LMBR1: variants seen among roughly 807,000 people sequenced by gnomAD.
LMBR1 encodes limb region 1 protein homolog.
In LMBR1, 52 loss-of-function variants were observed where a neutral mutation model predicts 73.9. That is an observed-to-expected ratio of 0.70 (90% CI 0.56 to 0.89). LMBR1 has a LOEUF of 0.89. LMBR1 is among the 40% of genes least tolerant of loss of function. The pLI is 0.00. For missense variants in LMBR1, 539 were observed against 579.8 expected (o/e 0.93, Z 0.72); for synonymous variants, 215 against 209.4 (o/e 1.03, Z -0.23).
chr7:156,872,484 C>T (rs1334043918), intron 1 of LMBR1, among the ~76,000 whole-genome samples: 1 of 151,896 alleles, frequency 6.6e-6, no homozygotes, highest in Non-Finnish European at 1.5e-5. Context: ...CCCATCTCTA[C>T]TAAAAATAAA....
rs1331225134 is a variant in LMBR1, at chr7:156,680,399, A to AGTGTGTGTGTGTGTGTGTGTGTGTGT, written c.*3678_*3679insACACACACACACACACACACACACAC. On this transcript the variant is annotated 3_prime_UTR_variant, in exon 17 of 17. Transcript: ENST00000353442. ...GACAGAGAGAGAGAGAGAGAGAGAG[A>AGTGTGTGTGTGTGTGTGTGTGTGTGT]GAGAGTGTGTGTGTGTGTGTGTGTG... 1.2e-4 allele frequency: 17 copies of AGTGTGTGTGTGTGTGTGTGTGTGTGT among 136,652 alleles called. No homozygotes were observed. Among genetic ancestry groups the AGTGTGTGTGTGTGTGTGTGTGTGTGT allele is most frequent in the African/African-American group, 4.4e-4 (15 of 34,024 alleles). 8.5% of individuals were successfully genotyped at this position (136,652 alleles called of 1,614,324 possible).
chr7:156,797,927 T>A (rs117226530), intron 4 of LMBR1, among the ~76,000 whole-genome samples: 4,842 of 152,112 alleles, frequency 0.032, 124 homozygotes, highest in South Asian at 0.085. Flanking sequence ...TTAAAATTTT[T>A]AAAAATTTTA....
chr7:156,757,808 T>C lies in LMBR1; in HGVS notation c.685-1343A>G, dbSNP rs144210807. On this transcript the variant is annotated intron_variant, in intron 8 of 16. Coordinates refer to ENST00000353442, the MANE Select transcript of LMBR1 (RefSeq NM_022458.4). The stretch of plus-strand genomic sequence containing the variant: ...TTATACAGCTGATGTGAAATTTATT[T>C]GAAGCAATCCAATAATTCCCAGCCT... 6.2e-3 allele frequency among the ~76,000 whole-genome samples: 944 copies of C among 152,366 alleles called. 9 individuals carry two copies. The highest frequency in any genetic ancestry group is 0.021 in the African/African-American group (882 of 41,576).
intron 15 of LMBR1, among the ~76,000 whole-genome samples, chr7:156,698,455 T>C (rs191674732): frequency 2.7e-3 from 415 of 152,360 alleles, no homozygotes; most frequent in African/African-American, 9.4e-3. Flanking sequence ...GCCCTGCCTT[T>C]GCAGCAAACT....
intron 5 of LMBR1, among the ~76,000 whole-genome samples, chr7:156,785,782 T>G (rs1242947674): frequency 2.6e-5 from 4 of 152,144 alleles, no homozygotes; most frequent in Admixed American, 2.6e-4. Context: ...GAACTACTAC[T>G]ATGTTCCAGA....
At chr7:156,771,103 C>A (rs1825092968) in intron 5 of LMBR1, among the ~76,000 whole-genome samples, 1 of 149,296 alleles carries the variant, frequency 6.7e-6, no homozygotes, top group East Asian at 2.1e-4. Context: ...GTAATCAAGA[C>A]ATAAGATTTT....
chr7:156,862,755 A>G (rs1240526725), intron 1 of LMBR1, among the ~76,000 whole-genome samples: 1 of 152,246 alleles, frequency 6.6e-6, no homozygotes, highest in African/African-American at 2.4e-5. Context: ...GCCTCATCCA[A>G]TCAGTGGAAG....
downstream of LMBR1, among the ~76,000 whole-genome samples, chr7:156,674,287 G>A (rs899589731): frequency 6.6e-6 from 1 of 152,188 alleles, no homozygotes; most frequent in African/African-American, 2.4e-5. Flanking sequence ...ACCCAGAAGA[G>A]ACATGAGCCA....
At position 156,718,783 on chromosome 7, in the gene LMBR1, T is replaced by G. The variant is rs576382007; in HGVS notation, c.1225+5329A>C. On this transcript the variant is annotated intron_variant, in intron 15 of 16. Coordinates refer to ENST00000353442, the MANE Select transcript of LMBR1 (RefSeq NM_022458.4). ...ATACTCAGATAGCTAGAGGTCTTTA[T>G]TCTTAGGACAAATTAGACCCTTACG... Among the ~76,000 whole-genome samples, 26 of 152,124 alleles carry G rather than the reference T, an allele frequency of 1.7e-4. No homozygotes were observed. In the South Asian group the frequency reaches 5.4e-3, roughly 32 times the overall value.
intron 15 of LMBR1, among the ~76,000 whole-genome samples, chr7:156,707,855 G>A (rs2132140725): frequency 6.6e-6 from 1 of 152,202 alleles, no homozygotes; most frequent in South Asian, 2.1e-4. Context: ...GCAAGAGAAA[G>A]AAACAAAAGG....
At chr7:156,878,389 C>G (rs572093617) in intron 1 of LMBR1, among the ~76,000 whole-genome samples, 2 of 152,248 alleles carry the variant, frequency 1.3e-5, no homozygotes, top group East Asian at 3.9e-4. Context: ...AAATCAGTAG[C>G]TCTCCTATAC....
chr7:156,821,658 A>G (rs575039170), intron 4 of LMBR1, among the ~76,000 whole-genome samples: 2 of 152,358 alleles, frequency 1.3e-5, no homozygotes, highest in African/African-American at 4.8e-5. Context: ...AATGGGAAAA[A>G]AATGTGAAAG....
At chr7:156,689,084 A>C (rs995761672) in intron 15 of LMBR1, among the ~76,000 whole-genome samples, 1 of 152,190 alleles carries the variant, frequency 6.6e-6, no homozygotes, top group Non-Finnish European at 1.5e-5. Context: ...TTTTTACTTA[A>C]AAATAGTTTA....
rs1349386616 is a variant in LMBR1, at chr7:156,669,514, G to C, written n.867-227C>G. On this transcript the variant is annotated intron_variant and non_coding_transcript_variant, in intron 4 of 4. Coordinates refer to the LMBR1 transcript ENST00000430825. This position sits in a 1 kb window ranked among gnomAD's most constrained non-coding sequence, Gnocchi z 4.2. Reference sequence around the variant, plus strand: ...GCAGCACGGCTTAGCATGTGGGAGGGGCAGGCTGGCAGAGTGTGAGCCGCT... The same window carrying C: ...GCAGCACGGCTTAGCATGTGGGAGGCGCAGGCTGGCAGAGTGTGAGCCGCT... Among the ~76,000 whole-genome samples the C allele has an allele frequency of 6.6e-6, 1 of 152,162 alleles. No individual in the cohort carries two copies. The highest frequency in any genetic ancestry group is 1.5e-5 in the Non-Finnish European group (1 of 68,032).
At chr7:156,797,166 GAA>G (rs1447027541) in intron 4 of LMBR1, among the ~76,000 whole-genome samples, 6 of 152,246 alleles carry the variant, frequency 3.9e-5, no homozygotes, top group Admixed American at 2.0e-4. Context: ...AAGTGGGAAA[GAA>G]AAAGTCACAG....
At chr7:156,826,275 C>T (rs1563463302) in intron 4 of LMBR1, among the ~76,000 whole-genome samples, 1 of 152,122 alleles carries the variant, frequency 6.6e-6, no homozygotes. Context: ...CCACCACGCC[C>T]GGCCAGTTTT....
chr7:156,827,585 A>C (rs1033959955), intron 3 of LMBR1, among the ~76,000 whole-genome samples: 8 of 152,146 alleles, frequency 5.3e-5, no homozygotes, highest in African/African-American at 1.9e-4. Flanking sequence ...ACTTTTTAAA[A>C]GATTTTAAAA....
intron 1 of LMBR1, among the ~76,000 whole-genome samples, chr7:156,877,372 G>C (rs1800335432): frequency 6.6e-6 from 1 of 151,740 alleles, no homozygotes; most frequent in African/African-American, 2.4e-5. Flanking sequence ...ACAAGATAAA[G>C]AGAAAATCCT....
At chr7:156,740,894 G>T (rs923566709) in intron 9 of LMBR1, among the ~76,000 whole-genome samples, 1 of 152,092 alleles carries the variant, frequency 6.6e-6, no homozygotes, top group African/African-American at 2.4e-5. Context: ...TACTCTTATC[G>T]TAAGTAGAAA....
Sources: allele counts gnomAD v4.1 joint callset (sites outside exome capture counted in the v4.1 genomes callset), GRCh38; gene constraint gnomAD v4.1.1; non-coding constraint Gnocchi (gnomAD v3.1); transcripts MANE v1.5; gene names NCBI Gene and HGNC (gene_info 2026-07-23, HGNC 2026-07-21).